PLAAT5: variants seen among roughly 807,000 people sequenced by gnomAD.
PLAAT5 encodes the protein phospholipase A and acyltransferase 5.
In PLAAT5, 27 loss-of-function variants were observed where a neutral mutation model predicts 27.8. The ratio of observed to expected loss-of-function variants is 0.97; its 90% CI spans 0.72 to 1.34. PLAAT5 has a LOEUF of 1.34. PLAAT5 is among the 40% of genes most tolerant of loss of function. PLAAT5 has a pLI of 0.00. For missense variants in PLAAT5, 368 were observed against 343.8 expected, an observed-to-expected ratio of 1.07 and a Z score of -0.56; for synonymous variants, 125 against 136.1, an observed-to-expected ratio of 0.92 and a Z score of 0.57.
intron 3 of PLAAT5, among the ~76,000 whole-genome samples, chr11:63,483,810 T>A (rs1440097393): frequency 0.013 from 1,224 of 91,826 alleles, 63 homozygotes; most frequent in African/African-American, 0.051. Context: ...TGTATATATA[T>A]ATATATATAT....
chr11:63,485,387 A>C (rs1859676848), intron 3 of PLAAT5, among the ~76,000 whole-genome samples: 1 of 152,238 alleles, frequency 6.6e-6, no homozygotes, highest in Admixed American at 6.5e-5. Flanking sequence ...ACTATACTGC[A>C]AGGCTATAGT....
At chr11:63,484,298 C>G (rs1461970546) in intron 3 of PLAAT5, among the ~76,000 whole-genome samples, 1 of 151,364 alleles carries the variant, frequency 6.6e-6, no homozygotes, top group Non-Finnish European at 1.5e-5. Flanking sequence ...TATATAAAGC[C>G]AGCATCACCT....
chr11:63,472,213 A>C (rs1267130539), intron 3 of PLAAT5, among the ~76,000 whole-genome samples: 2 of 152,226 alleles, frequency 1.3e-5, no homozygotes, highest in Non-Finnish European at 2.9e-5. Flanking sequence ...GAAGAAAAAA[A>C]AAGGAAAGAA....
chr11:63,488,473 TTACTA>T (rs1307737630), intron 3 of PLAAT5, among the ~76,000 whole-genome samples: 2 of 152,074 alleles, frequency 1.3e-5, no homozygotes, highest in Non-Finnish European at 2.9e-5. Context: ...TATGTGGAGT[TTACTA>T]TATGTCAATT....
At chr11:63,490,632 C>T in intron 1 of PLAAT5, 2 of 607,000 alleles carry the variant, frequency 3.3e-6, no homozygotes, top group Non-Finnish European at 5.7e-6. Flanking sequence ...GAGCCAGAGC[C>T]GGTCTTAACA....
At chr11:63,477,080 C>T (rs752965344) in intron 3 of PLAAT5, among the ~76,000 whole-genome samples, 20 of 152,202 alleles carry the variant, frequency 1.3e-4, no homozygotes, top group South Asian at 4.1e-4. Context: ...TATATTTGAT[C>T]GGTCATTGTC....
chr11:63,468,118 A>T (rs2015912540), intron 4 of PLAAT5, among the ~76,000 whole-genome samples: 1 of 152,160 alleles, frequency 6.6e-6, no homozygotes, highest in South Asian at 2.1e-4. Flanking sequence ...AGGGCCCTCT[A>T]GGAGGTCAGG....
chr11:63,461,549 A>G lies in PLAAT5; in HGVS notation c.*1954T>C, dbSNP rs796216994. On this transcript the variant is annotated 3_prime_UTR_variant, in exon 6 of 6. Coordinates refer to ENST00000540857, the MANE Select transcript of PLAAT5 (RefSeq NM_001146729.2). Reference sequence around the variant, plus strand: ...AGCCGCACCCGAGTGGTCCCACTCAAAAAAGAGATTTCTGTTTCTACCTCA... The same window carrying G: ...AGCCGCACCCGAGTGGTCCCACTCAGAAAAGAGATTTCTGTTTCTACCTCA... 1 of 152,210 alleles carries G rather than the reference A, an allele frequency of 6.6e-6. No individual in the cohort carries two copies. Among genetic ancestry groups the G allele is most frequent in the African/African-American group, 2.4e-5 (1 of 41,444 alleles). The allele number at this position is 152,210 out of a possible 1,614,324, so 9.4% of individuals were successfully genotyped here. A position where few individuals can be genotyped will look rare whatever the true frequency, so the allele number is the denominator to read the frequency against.
chr11:63,470,392 A>C (rs2015991137), intron 3 of PLAAT5: 1 of 163,328 alleles, frequency 6.1e-6, no homozygotes. Context: ...TTCAACTCTT[A>C]TTATACATAA....
chr11:63,468,883 G>A (rs889841603), intron 3 of PLAAT5, among the ~76,000 whole-genome samples: 10 of 152,108 alleles, frequency 6.6e-5, no homozygotes, highest in Non-Finnish European at 1.0e-4. Context: ...GCAGGATGAT[G>A]GTCAGTAGTG....
Position 63,479,351 on chromosome 11 carries a change from T to C in PLAAT5, c.345+9520A>G, listed in dbSNP as rs2016228874. 1.3e-5 allele frequency among the ~76,000 whole-genome samples: 2 copies of C among 152,264 alleles called. 1 individual carries two copies. Among genetic ancestry groups the C allele is most frequent in the South Asian group, 4.1e-4 (2 of 4,836 alleles). On this transcript the variant is annotated intron_variant, in intron 3 of 5. Transcript: ENST00000540857. ...ATAAGACTATATTGCTTTAAGCAGATGCCTCTGTCTTCATAAATGGCAAAG... is the reference window on the plus strand; with the variant it reads ...ATAAGACTATATTGCTTTAAGCAGACGCCTCTGTCTTCATAAATGGCAAAG...
chr11:63,486,071 C>T (rs540871034), intron 3 of PLAAT5, among the ~76,000 whole-genome samples: 29 of 152,198 alleles, frequency 1.9e-4, no homozygotes, highest in African/African-American at 3.1e-4. Flanking sequence ...ATCAAAACCA[C>T]GATGCAATAA....
intron 2 of PLAAT5, 46 bp from the exon 3 acceptor site, chr11:63,489,022 T>A (rs2016502109): frequency 7.6e-7 from 1 of 1,309,376 alleles, no homozygotes; most frequent in Admixed American, 1.7e-5. Flanking sequence ...CACTATTTCA[T>A]AATTATTGGA....
In PLAAT5 at chr11:63,491,166, G is replaced by T; in HGVS notation, c.-132C>A. The T allele has an allele frequency of 1.3e-6, 1 of 779,808 alleles. No homozygotes were observed. The highest frequency in any genetic ancestry group is 1.8e-6 in the Non-Finnish European group (1 of 552,524). The allele number at this position is 779,808 out of a possible 1,614,324, so 48.3% of individuals were successfully genotyped here. On this transcript the variant is annotated 5_prime_UTR_variant, in exon 1 of 6. Transcript: ENST00000540857. Reference sequence around the variant, plus strand: ...ACTGGGGGCGGCTCGGGGAGGAACCGCGGAGGGGAAAGCGCCGCGGGCTGC... The same window carrying T: ...ACTGGGGGCGGCTCGGGGAGGAACCTCGGAGGGGAAAGCGCCGCGGGCTGC...
chr11:63,489,756 C>G (rs1417955466), intron 2 of PLAAT5, among the ~76,000 whole-genome samples: 1 of 152,152 alleles, frequency 6.6e-6, no homozygotes, highest in Admixed American at 6.5e-5. Context: ...ATGACTTTTT[C>G]TTTACCTTTT....
rs771612086 is a variant in PLAAT5 at position 63,490,303 on chromosome 11, T to C, written c.179A>G (p.Gln60Arg). 6.2e-7 allele frequency: 1 copy of C among 1,614,166 alleles called. No individual in the cohort carries two copies. The highest frequency in any genetic ancestry group is 1.1e-5 in the South Asian group (1 of 91,078). The stretch of plus-strand genomic sequence containing the variant: ...CGGCGGAGGCTGCTTGGCTGGGAGC[T>C]GGACCAACGCTGCGAATCCCACGGA... ...EESVGFAALV[Q>R]LPAKQPPPGT... is the part of the protein sequence containing the mutation. Residue 60 changes from glutamine to arginine, a missense_variant, in exon 2 of 6, where the codon CAG (glutamine) becomes CGG (arginine). Coordinates refer to ENST00000540857, the MANE Select transcript of PLAAT5 (RefSeq NM_001146729.2).
At position 63,466,282 on chromosome 11, in the gene PLAAT5, C is replaced by T. The variant is rs1418106336; in HGVS notation, c.545G>A (p.Cys182Tyr). ...TAGCTTGTTATTGACCTTCCAGGAG[C>T]AGCCATGCAGCACATCCTCCAGACG... ...YSRLEDVLHG[C>Y]SWKVNNKLDG... The change falls in exon 5 of 6, where the codon TGC (cysteine) becomes TAC (tyrosine). Residue 182 changes from cysteine to tyrosine, a missense_variant. Physicochemically the swap from Cys to Tyr is radical, Grantham distance 194 (BLOSUM62 -2). Coordinates refer to ENST00000540857, the MANE Select transcript of PLAAT5 (RefSeq NM_001146729.2). 6.2e-7 allele frequency: 1 copy of T among 1,614,162 alleles called. No homozygotes were observed. The highest frequency in any genetic ancestry group is 8.5e-7 in the Non-Finnish European group (1 of 1,180,026).
At chr11:63,466,466 C>T in intron 4 of PLAAT5, 94 bp from the exon 5 acceptor site, 2 of 1,251,982 alleles carry the variant, frequency 1.6e-6, no homozygotes, top group East Asian at 2.5e-5. Context: ...CCCCTGGAGT[C>T]TCATTGGCAC....
intron 3 of PLAAT5, among the ~76,000 whole-genome samples, chr11:63,478,652 A>G (rs895076925): frequency 7.2e-5 from 11 of 152,174 alleles, no homozygotes; most frequent in African/African-American, 2.7e-4. Context: ...AATCTGTTGT[A>G]TGGCTTTGGT....
Sources: gnomAD v4.1 joint callset for allele counts (sites outside exome capture counted in the v4.1 genomes callset) on GRCh38, gnomAD v4.1.1 for gene constraint, MANE v1.5 for transcripts, NCBI Gene and HGNC (gene_info 2026-07-23, HGNC 2026-07-21) for gene names.